SUSD1: variants seen among roughly 807,000 people sequenced by gnomAD.
SUSD1 encodes the protein sushi domain containing 1, also known as sushi domain-containing protein 1.
A neutral mutation model predicts 86.9 loss-of-function variants in SUSD1; 65 were observed. The observed-to-expected ratio is 0.75, with a 90% confidence interval of 0.61 to 0.92. SUSD1 has a LOEUF of 0.92. SUSD1 is among the 40% of genes least tolerant of loss of function. The pLI is 0.00. For synonymous variants in SUSD1, 346 were observed against 350.0 expected, an observed-to-expected ratio of 0.99 and a Z score of 0.13; for missense variants, 850 against 929.7, an observed-to-expected ratio of 0.91 and a Z score of 1.11.
intron 12 of SUSD1, among the ~76,000 whole-genome samples, chr9:112,078,019 T>A (rs1338225486): frequency 6.6e-6 from 1 of 151,648 alleles, no homozygotes; most frequent in Admixed American, 6.6e-5. Context: ...CCCACAGACC[T>A]CCCCTGTGGT....
At position 112,058,670 on chromosome 9, in the gene SUSD1, C is replaced by T. The variant is rs1828564537; in HGVS notation, c.1867G>A (p.Val623Met). ...GTGCTTTGGAGGGCCAGGGGAAGCACTAACACCTGATATGAACTGGAAGAA... is the reference window on the plus strand; with the variant it reads ...GTGCTTTGGAGGGCCAGGGGAAGCATTAACACCTGATATGAACTGGAAGAA... Reference protein sequence around the residue: ...NGPISSYQVLVLPLALQSTFS... With the variant: ...NGPISSYQVLMLPLALQSTFS... The change falls in exon 14 of 17, where the codon GTG (valine) becomes ATG (methionine). Residue 623 changes from valine to methionine, a missense_variant. Physicochemically the swap from Val to Met is conservative, Grantham distance 21 (BLOSUM62 1). Coordinates refer to ENST00000374270, the MANE Select transcript of SUSD1 (RefSeq NM_022486.5). 6.2e-7 allele frequency: 1 copy of T among 1,614,044 alleles called. No homozygotes were observed. Among genetic ancestry groups the T allele is most frequent in the Non-Finnish European group, 8.5e-7 (1 of 1,180,012 alleles).
intron 2 of SUSD1, among the ~76,000 whole-genome samples, chr9:112,154,677 A>G (rs1157139489): frequency 6.6e-6 from 1 of 152,190 alleles, no homozygotes; most frequent in Admixed American, 6.5e-5. Flanking sequence ...ATAAAATGGA[A>G]TATTCCTGTC....
chr9:112,063,801 A>G lies in SUSD1; in HGVS notation c.1754-768T>C, dbSNP rs528452168. Among the ~76,000 whole-genome samples, 83 of 152,246 alleles carry G rather than the reference A, an allele frequency of 5.5e-4. No individual in the cohort carries two copies. The South Asian group carries it at 7.1e-3, about 13-fold the overall frequency. ...ACTGGGCACTAACCATTCACACTAGAGATGTTCTACATATGCCCCATCTTA... is the reference window on the plus strand; with the variant it reads ...ACTGGGCACTAACCATTCACACTAGGGATGTTCTACATATGCCCCATCTTA... On this transcript the variant is annotated intron_variant, in intron 12 of 16. Coordinates refer to ENST00000374270, the MANE Select transcript of SUSD1 (RefSeq NM_022486.5).
intron 12 of SUSD1, among the ~76,000 whole-genome samples, chr9:112,064,537 G>A (rs530303648): frequency 1.2e-4 from 18 of 152,290 alleles, no homozygotes; most frequent in African/African-American, 4.3e-4. Flanking sequence ...TTCCCCATAG[G>A]TGGGGCACAA....
chr9:112,041,901 T>C lies in SUSD1; in HGVS notation c.2209A>G (p.Ile737Val), dbSNP rs565878142. ...GAGAAGGAGAGGAATGTGAGAATGA[T>C]CACAACAGCCAGGGAACCCAGTCCA... is the stretch of plus-strand genomic sequence containing the variant. ...GVGLGSLAVV[I>V]ILTFLSFSAV Residue 737 changes from isoleucine (I) to valine (V), a missense_variant, in exon 16 of 17, where the codon ATC becomes GTC. Physicochemically the swap from Ile to Val is conservative, Grantham distance 29. Transcript: ENST00000374270. 1.9e-4 allele frequency: 299 copies of C among 1,613,840 alleles called. 1 individual carries two copies. In the South Asian group the frequency reaches 3.1e-3, roughly 17 times the overall value.
At chr9:112,050,086 T>A (rs909004302) in intron 15 of SUSD1, among the ~76,000 whole-genome samples, 1 of 152,206 alleles carries the variant, frequency 6.6e-6, no homozygotes, top group African/African-American at 2.4e-5. Flanking sequence ...CTTTGTCATC[T>A]TAATTATTCT....
intron 3 of SUSD1, among the ~76,000 whole-genome samples, chr9:112,144,578 A>T (rs1032624195): frequency 2.6e-5 from 4 of 152,206 alleles, no homozygotes; most frequent in African/African-American, 9.7e-5. Flanking sequence ...GTTTGAGACC[A>T]GCCTGGGAAC....
chr9:112,096,675 G>C (rs1830409270), intron 10 of SUSD1, among the ~76,000 whole-genome samples: 1 of 152,000 alleles, frequency 6.6e-6, no homozygotes, highest in Admixed American at 6.6e-5. Flanking sequence ...AAGTAGCTGG[G>C]ACCACAGGCT....
At chr9:112,145,676 C>T (rs891432126) in intron 3 of SUSD1, among the ~76,000 whole-genome samples, 7 of 152,022 alleles carry the variant, frequency 4.6e-5, no homozygotes, top group Admixed American at 3.9e-4. Context: ...ATTCTTTTTC[C>T]TTTTGGGTCT....
intron 13 of SUSD1, among the ~76,000 whole-genome samples, chr9:112,060,862 T>C (rs1358020202): frequency 6.6e-6 from 1 of 152,186 alleles, no homozygotes; most frequent in Admixed American, 6.5e-5. Context: ...CATCTTTCCA[T>C]GCAGGTGGTG....
chr9:112,109,321 C>T (rs1436920125), intron 8 of SUSD1, among the ~76,000 whole-genome samples: 1 of 152,158 alleles, frequency 6.6e-6, no homozygotes, highest in Non-Finnish European at 1.5e-5. Flanking sequence ...CTTCCCAATT[C>T]ATTTTAAGGA....
chr9:112,153,001 T>C (rs1018962135), intron 2 of SUSD1, among the ~76,000 whole-genome samples: 2 of 152,070 alleles, frequency 1.3e-5, no homozygotes, highest in Non-Finnish European at 2.9e-5. Flanking sequence ...CACAGTGATT[T>C]GCATCTGTAA....
intron 6 of SUSD1, among the ~76,000 whole-genome samples, chr9:112,121,535 T>C (rs758637949): frequency 6.6e-6 from 1 of 152,202 alleles, no homozygotes; most frequent in African/African-American, 2.4e-5. Flanking sequence ...TAGATATCTA[T>C]TGAATGAATG....
chr9:112,048,729 T>C lies in SUSD1; in HGVS notation c.2149+3670A>G, dbSNP rs555827070. 2.0e-5 allele frequency among the ~76,000 whole-genome samples: 3 copies of C among 152,222 alleles called. No individual in the cohort carries two copies. In the South Asian group the frequency reaches 6.2e-4, roughly 32 times the overall value. The stretch of plus-strand genomic sequence containing the variant: ...GGCAGATCCTGCCCTGTTGAGAAAA[T>C]TTAAAAAGCTTCAGGGAAGAAAGGG... On this transcript the variant is annotated intron_variant, in intron 15 of 16. Coordinates refer to ENST00000374270, the MANE Select transcript of SUSD1 (RefSeq NM_022486.5).
chr9:112,052,523 G>T, intron 14 of SUSD1, 85 bp from the exon 15 acceptor site: 1 of 1,496,164 alleles, frequency 6.7e-7, no homozygotes, highest in Non-Finnish European at 9.3e-7. Flanking sequence ...AGCCCTCTGA[G>T]TTTCAGCTTT....
At chr9:112,114,042 C>T (rs1831210569) in intron 6 of SUSD1, among the ~76,000 whole-genome samples, 1 of 152,160 alleles carries the variant, frequency 6.6e-6, no homozygotes, top group Admixed American at 6.6e-5. Flanking sequence ...AAGGAATCCA[C>T]ACCAAAACAA....
chr9:112,168,404 C>T (rs925786872), intron 1 of SUSD1, among the ~76,000 whole-genome samples: 1 of 152,144 alleles, frequency 6.6e-6, no homozygotes, highest in African/African-American at 2.4e-5. Context: ...TCCCAGCCTT[C>T]TGGGTAACAG....
intron 15 of SUSD1, among the ~76,000 whole-genome samples, chr9:112,050,154 G>C (rs181779473): frequency 1.8e-4 from 27 of 152,282 alleles, no homozygotes; most frequent in African/African-American, 6.5e-4. Context: ...AGCTTCAGGG[G>C]ATGGACTGGC....
intron 6 of SUSD1, among the ~76,000 whole-genome samples, chr9:112,122,557 G>A (rs901474297): frequency 2.0e-5 from 3 of 152,094 alleles, no homozygotes; most frequent in Non-Finnish European, 2.9e-5. Context: ...GCCTCCCAAA[G>A]TACAGAGATT....
Sources: gnomAD v4.1 joint callset for allele counts (sites outside exome capture counted in the v4.1 genomes callset) on GRCh38, gnomAD v4.1.1 for gene constraint, MANE v1.5 for transcripts, NCBI Gene and HGNC (gene_info 2026-07-23, HGNC 2026-07-21) for gene names.